HTT: variants seen among roughly 807,000 people sequenced by gnomAD.
HTT encodes the protein huntingtin, also known as huntington disease protein.
A neutral mutation model predicts 362.3 loss-of-function variants in HTT; 104 were observed. The observed-to-expected ratio is 0.29, with a 90% CI of 0.24 to 0.34. The LOEUF is 0.34. Ranked by LOEUF, HTT falls within the 10% of genes least tolerant of loss-of-function variation. HTT has a pLI of 1.00. For synonymous variants in HTT, 1,577 were observed against 1,548.7 expected (o/e 1.02, Z -0.43); for missense variants, 3,301 against 3,928.6 (o/e 0.84, Z 4.27).
chr4:3,168,510 A>G (rs773133171), intron 29 of HTT, among the ~76,000 whole-genome samples: 2 of 152,238 alleles, frequency 1.3e-5, no homozygotes, highest in Non-Finnish European at 2.9e-5. Context: ...ATAATTCCAC[A>G]TTCTTGACAG....
At position 3,240,097 on chromosome 4, in the gene HTT, G is replaced by A. The variant is rs1431154931; in HGVS notation, c.*38G>A. 1 of 1,524,064 alleles carries A rather than the reference G, an allele frequency of 6.6e-7. No individual in the cohort carries two copies. The highest frequency in any genetic ancestry group is 8.9e-7 in the Non-Finnish European group (1 of 1,121,722). The allele number at this position is 1,524,064 out of a possible 1,614,324, so 94.4% of individuals were successfully genotyped here. A position where few individuals can be genotyped will look rare whatever the true frequency, so the allele number is the denominator to read the frequency against. ...GAGAGACTGTGAGGCGGCAGCTGGG[G>A]CCGGAGCCTTTGGAAGTCTGCGCCC... On this transcript the variant is annotated 3_prime_UTR_variant, in exon 67 of 67. Coordinates refer to ENST00000355072, the MANE Select transcript of HTT (RefSeq NM_001388492.1).
At chr4:3,136,473 G>GAAAA (rs369081036) in intron 21 of HTT, 147 bp downstream of exon 21, 83 of 414,336 alleles carry the variant, frequency 2.0e-4, no homozygotes, top group Middle Eastern at 6.2e-4. Flanking sequence ...AAACTATAAT[G>GAAAA]AAAAAAAAAT....
At chr4:3,139,870 G>C (rs1716256050) in intron 21 of HTT, among the ~76,000 whole-genome samples, 1 of 150,038 alleles carries the variant, frequency 6.7e-6, no homozygotes, top group African/African-American at 2.5e-5. Flanking sequence ...TTGATCAGAA[G>C]GTTTAGAAAG....
At chr4:3,155,499 A>G (rs1717095652) in intron 27 of HTT, among the ~76,000 whole-genome samples, 1 of 151,044 alleles carries the variant, frequency 6.6e-6, no homozygotes, top group Non-Finnish European at 1.5e-5. Context: ...TGCTGGGATT[A>G]CAGGCATGAG....
rs561197103 is a variant in HTT, at chr4:3,102,507, C to T, written c.469-1317C>T. Among the ~76,000 whole-genome samples, 9 of 152,326 alleles carry T rather than the reference C, an allele frequency of 5.9e-5. No homozygotes were observed. The East Asian group carries it at 1.7e-3, about 29-fold the overall frequency. Reference sequence around the variant, plus strand: ...TAAGGACTTTCAGTACAAACTGCAACAACAGGATTAGGATTTAAACGTTTC... The same window carrying T: ...TAAGGACTTTCAGTACAAACTGCAATAACAGGATTAGGATTTAAACGTTTC... On this transcript the variant is annotated intron_variant, in intron 3 of 66. Coordinates refer to ENST00000355072, the MANE Select transcript of HTT (RefSeq NM_001388492.1).
At position 3,136,195 on chromosome 4, in the gene HTT, A is replaced by G. The variant is rs376881094; in HGVS notation, c.2698-31A>G. The G allele has an allele frequency of 6.8e-5, 97 of 1,422,328 alleles. No individual in the cohort carries two copies. In the African/African-American group the frequency reaches 1.2e-3, roughly 18 times the overall value. The allele number at this position is 1,422,328 out of a possible 1,614,324, so 88.1% of individuals were successfully genotyped here. On this transcript the variant is annotated intron_variant, in intron 20 of 66. Coordinates refer to ENST00000355072, the MANE Select transcript of HTT (RefSeq NM_001388492.1). ...CTAAAATTTAGTCAAATACAAGATTATGTTTATTTTTATTATCCTTCTCTC... is the reference window on the plus strand; with the variant it reads ...CTAAAATTTAGTCAAATACAAGATTGTGTTTATTTTTATTATCCTTCTCTC...
intron 26 of HTT, among the ~76,000 whole-genome samples, chr4:3,150,336 A>T (rs933894388): frequency 1.3e-5 from 2 of 152,210 alleles, no homozygotes; most frequent in Admixed American, 6.5e-5. Context: ...AAATAACCTT[A>T]TGTGGGTAGT....
intron 32 of HTT, 35 bp from the exon 33 acceptor site, chr4:3,174,911 T>C: frequency 1.3e-6 from 2 of 1,550,090 alleles, no homozygotes; most frequent in Non-Finnish European, 1.8e-6. Context: ...AAGGCTTACT[T>C]ATGGATTCTT....
At chr4:3,197,627 G>C (rs1357562682) in intron 40 of HTT, among the ~76,000 whole-genome samples, 1 of 152,052 alleles carries the variant, frequency 6.6e-6, no homozygotes. Flanking sequence ...TCTCCTGTTT[G>C]CTCCTTATTA....
At chr4:3,080,623 A>G (rs999783675) in intron 1 of HTT, among the ~76,000 whole-genome samples, 2 of 152,172 alleles carry the variant, frequency 1.3e-5, no homozygotes, top group African/African-American at 4.8e-5. Flanking sequence ...GAGTTTATCT[A>G]TTTTGTCTTT....
chr4:3,202,725 C>A (rs1321485480), intron 41 of HTT, among the ~76,000 whole-genome samples: 1 of 152,132 alleles, frequency 6.6e-6, no homozygotes, highest in Non-Finnish European at 1.5e-5. Context: ...GAAATAGAAT[C>A]TATAGGCTAG....
At position 3,146,969 on chromosome 4, in the gene HTT, C is replaced by G. The variant is rs748531065; in HGVS notation, c.3295+21C>G. Reference sequence around the variant, plus strand: ...TGCAGGTACTGGTACTGAGTTGAAACAGGGACTCCAGGACTTGGATTTTGA... The same window carrying G: ...TGCAGGTACTGGTACTGAGTTGAAAGAGGGACTCCAGGACTTGGATTTTGA... On this transcript the variant is annotated intron_variant, in intron 25 of 66. Coordinates refer to ENST00000355072, the MANE Select transcript of HTT (RefSeq NM_001388492.1). The G allele has an allele frequency of 1.2e-5, 20 of 1,613,132 alleles. No individual in the cohort carries two copies. The Middle Eastern group carries it at 8.2e-4, about 66-fold the overall frequency.
chr4:3,124,385 T>C (rs1715427080), intron 10 of HTT, among the ~76,000 whole-genome samples: 1 of 152,208 alleles, frequency 6.6e-6, no homozygotes, highest in East Asian at 1.9e-4. Flanking sequence ...CATTGAGAGC[T>C]GTGTCTTCAA....
rs946821529 is a variant in HTT, at chr4:3,201,702, A to T, written c.5576+1763A>T. ...TGGTGGAAGGAAAAAATAAATCCCC[A>T]TAAGTGTCCAAGATGCCCATAGAGA... On this transcript the variant is annotated intron_variant, in intron 41 of 66. Transcript: ENST00000355072. 2.0e-5 allele frequency among the ~76,000 whole-genome samples: 3 copies of T among 152,164 alleles called. No homozygotes were observed. In the South Asian group the frequency reaches 6.2e-4, roughly 32 times the overall value.
At chr4:3,106,311 G>T (rs757539588) in intron 5 of HTT, among the ~76,000 whole-genome samples, 3 of 152,102 alleles carry the variant, frequency 2.0e-5, no homozygotes. Flanking sequence ...AGCCAAGATC[G>T]CACCACTGCA....
chr4:3,162,876 G>A (rs1717513822), intron 29 of HTT, among the ~76,000 whole-genome samples: 2 of 152,282 alleles, frequency 1.3e-5, no homozygotes, highest in Non-Finnish European at 2.9e-5. Flanking sequence ...TGCAAACAGG[G>A]ACAGTTTTAC....
At chr4:3,188,835 A>C in intron 39 of HTT, 116 bp from the exon 40 acceptor site, 5 of 1,007,990 alleles carry the variant, frequency 5.0e-6, no homozygotes, top group Non-Finnish European at 7.3e-6. Context: ...TTAGCGGTTA[A>C]TGTACTCTAC....
intron 40 of HTT, among the ~76,000 whole-genome samples, chr4:3,199,365 C>T (rs1178894453): frequency 1.3e-5 from 2 of 152,100 alleles, no homozygotes; most frequent in African/African-American, 4.8e-5. Flanking sequence ...CATGGTGAAA[C>T]CCCCTCTATA....
At chr4:3,093,905 G>GTTTTTTTTTTTTTTTTTTTTTTTTTTTT (rs67455911) in intron 2 of HTT, among the ~76,000 whole-genome samples, 2 of 23,900 alleles carry the variant, frequency 8.4e-5, no homozygotes, top group Non-Finnish European at 1.4e-4. Flanking sequence ...CTTTAAGTTG[G>GTTTTTTTTTTTTTTTTTTTTTTTTTTTT]TTTTTTTTTT....
Sources: gnomAD v4.1 joint callset for allele counts (sites outside exome capture counted in the v4.1 genomes callset) on GRCh38, gnomAD v4.1.1 for gene constraint, MANE v1.5 for transcripts, NCBI Gene and HGNC (gene_info 2026-07-23, HGNC 2026-07-21) for gene names.